Variants in CHCHD6 observed in about 807,000 individuals in gnomAD.
CHCHD6 encodes coiled-coil-helix-coiled-coil-helix domain containing 6.
Under a neutral mutation model 32.3 loss-of-function variants are expected in CHCHD6, and 28 were observed. The ratio of observed to expected loss-of-function variants is 0.87; its 90% CI spans 0.64 to 1.19. The LOEUF (loss-of-function observed/expected upper bound fraction) is 1.19. Ranked by LOEUF, CHCHD6 falls within the 50% of genes most tolerant of loss-of-function variation. The pLI, the probability that CHCHD6 is intolerant of heterozygous loss-of-function variation, is 0.00. For synonymous variants in CHCHD6, 122 were observed against 117.5 expected (o/e 1.04, Z -0.25); for missense variants, 333 against 307.0 (o/e 1.08, Z -0.63).
At chr3:126,910,101 A>AC (rs929836714) in intron 5 of CHCHD6, among the ~76,000 whole-genome samples, 1 of 151,852 alleles carries the variant, frequency 6.6e-6, no homozygotes, top group African/African-American at 2.4e-5. Flanking sequence ...ACATGGCGAA[A>AC]CCCCCTCTCT....
intron 6 of CHCHD6, among the ~76,000 whole-genome samples, chr3:126,925,969 T>C (rs2078318539): frequency 6.6e-6 from 1 of 152,194 alleles, no homozygotes; most frequent in African/African-American, 2.4e-5. Flanking sequence ...CCAGAGAGGA[T>C]ATATAACAAT....
chr3:126,725,396 A>G (rs1935484702), intron 1 of CHCHD6, among the ~76,000 whole-genome samples: 1 of 152,208 alleles, frequency 6.6e-6, no homozygotes, highest in African/African-American at 2.4e-5. Flanking sequence ...GGCTTAAAGT[A>G]TTCAGTAAAA....
chr3:126,776,316 T>C (rs1369071641), intron 4 of CHCHD6, among the ~76,000 whole-genome samples: 1 of 152,218 alleles, frequency 6.6e-6, no homozygotes, highest in East Asian at 1.9e-4. Flanking sequence ...TATAAAGTTG[T>C]ATATATGTAC....
At chr3:126,942,660 C>T (rs1458525533) in intron 6 of CHCHD6, among the ~76,000 whole-genome samples, 1 of 151,896 alleles carries the variant, frequency 6.6e-6, no homozygotes, top group Non-Finnish European at 1.5e-5. Flanking sequence ...TCATCTTGTC[C>T]TTTCTCTGCC....
chr3:126,789,203 C>A (rs1299471554), intron 4 of CHCHD6, among the ~76,000 whole-genome samples: 1 of 152,192 alleles, frequency 6.6e-6, no homozygotes, highest in East Asian at 1.9e-4. Flanking sequence ...GTTATAATTT[C>A]TGTTCTTTTA....
At chr3:126,721,894 A>G (rs767085643) in intron 1 of CHCHD6, among the ~76,000 whole-genome samples, 3 of 152,144 alleles carry the variant, frequency 2.0e-5, no homozygotes, top group South Asian at 4.2e-4. Context: ...AGTGCTTTCA[A>G]GGTTTCTCCA....
chr3:126,833,831 G>A (rs1319358901), intron 4 of CHCHD6, among the ~76,000 whole-genome samples: 3 of 151,832 alleles, frequency 2.0e-5, no homozygotes, highest in East Asian at 1.9e-4. Flanking sequence ...CGAGGCGGGC[G>A]GATCACGAGG....
chr3:126,898,126 A>G (rs1447345071), intron 5 of CHCHD6, among the ~76,000 whole-genome samples: 2 of 152,250 alleles, frequency 1.3e-5, no homozygotes, highest in Non-Finnish European at 1.5e-5. Flanking sequence ...TCAGGTCCGC[A>G]GGACCCAGTG....
At chr3:126,873,200 T>C (rs1233321927) in intron 5 of CHCHD6, among the ~76,000 whole-genome samples, 3 of 152,178 alleles carry the variant, frequency 2.0e-5, no homozygotes, top group Non-Finnish European at 4.4e-5. Flanking sequence ...AGATGAGAAA[T>C]AGTGATAGTG....
At chr3:126,753,549 CAG>C (rs1314055782) in intron 4 of CHCHD6, among the ~76,000 whole-genome samples, 8 of 152,232 alleles carry the variant, frequency 5.3e-5, no homozygotes, top group Admixed American at 4.6e-4. Flanking sequence ...GTGGCATCAG[CAG>C]AGAGTTTGTC....
intron 1 of CHCHD6, among the ~76,000 whole-genome samples, chr3:126,723,064 T>C (rs995548625): frequency 6.6e-6 from 1 of 152,238 alleles, no homozygotes; most frequent in Admixed American, 6.5e-5. Flanking sequence ...GAGACCGCTC[T>C]TTCCCCACTG....
At chr3:126,843,106 G>A (rs1384688748) in intron 4 of CHCHD6, among the ~76,000 whole-genome samples, 1 of 151,876 alleles carries the variant, frequency 6.6e-6, no homozygotes, top group African/African-American at 2.4e-5. Flanking sequence ...TCTATTACTA[G>A]TTTTCTAAAA....
chr3:126,706,682 T>C (rs1486904642), intron 1 of CHCHD6, among the ~76,000 whole-genome samples: 1 of 151,972 alleles, frequency 6.6e-6, no homozygotes. Context: ...AGAGGAAAAC[T>C]GAAGAAAGGA....
intron 5 of CHCHD6, among the ~76,000 whole-genome samples, chr3:126,905,914 G>T (rs1409453487): frequency 6.6e-6 from 1 of 152,156 alleles, no homozygotes; most frequent in Non-Finnish European, 1.5e-5. Flanking sequence ...GGCATCACGC[G>T]AGAACCAAGA....
chr3:126,823,559 G>A (rs1273047456), intron 4 of CHCHD6, among the ~76,000 whole-genome samples: 2 of 152,006 alleles, frequency 1.3e-5, no homozygotes, highest in Non-Finnish European at 2.9e-5. Flanking sequence ...TGATTTTTAT[G>A]TATTGACTTT....
At chr3:126,758,534 A>G (rs1038151213) in intron 4 of CHCHD6, among the ~76,000 whole-genome samples, 2 of 152,300 alleles carry the variant, frequency 1.3e-5, no homozygotes, top group East Asian at 1.9e-4. Flanking sequence ...GGTAAAAGTG[A>G]TTTCATGGGA....
At chr3:126,955,558 C>T (rs144487771) in intron 6 of CHCHD6, among the ~76,000 whole-genome samples, 1,797 of 152,334 alleles carry the variant, frequency 0.012, 20 homozygotes, top group Middle Eastern at 0.048. Flanking sequence ...CGTGCTCTCC[C>T]TTCACATCCT....
intron 1 of CHCHD6, among the ~76,000 whole-genome samples, chr3:126,712,766 AC>A (rs1934810312): frequency 6.6e-6 from 1 of 152,050 alleles, no homozygotes; most frequent in African/African-American, 2.4e-5. Context: ...TGCACCCATG[AC>A]TTCTGGATTC....
At chr3:126,936,550 G>A (rs1309622771) in intron 6 of CHCHD6, among the ~76,000 whole-genome samples, 2 of 152,010 alleles carry the variant, frequency 1.3e-5, no homozygotes, top group Non-Finnish European at 2.9e-5. Context: ...AAAATTAATT[G>A]TAACTGTTTC....
Sources: allele counts gnomAD v4.1 joint callset (sites outside exome capture counted in the v4.1 genomes callset), GRCh38; gene constraint gnomAD v4.1.1; transcripts MANE v1.5; gene names NCBI Gene and HGNC (gene_info 2026-07-23, HGNC 2026-07-21).